SRGAP3: variants seen among roughly 807,000 people sequenced by gnomAD.
SRGAP3 encodes the protein SLIT-ROBO Rho GTPase-activating protein 3.
Under a neutral mutation model 121.1 loss-of-function variants are expected in SRGAP3, and 39 were observed. The observed-to-expected ratio is 0.32, with a 90% confidence interval of 0.25 to 0.42. SRGAP3 has a LOEUF of 0.42. Among genes scored for constraint, SRGAP3 ranks in the 10% least tolerant of loss-of-function variants. SRGAP3 has a pLI of 1.00. For missense variants in SRGAP3, 1,213 were observed against 1,470.6 expected (o/e 0.82, Z 2.86); for synonymous variants, 601 against 570.0 (o/e 1.05, Z -0.77).
intron 1 of SRGAP3, among the ~76,000 whole-genome samples, chr3:9,332,127 T>G (rs1435238419): frequency 6.6e-6 from 1 of 151,820 alleles, no homozygotes; most frequent in Non-Finnish European, 1.5e-5. Flanking sequence ...TTATTATTAT[T>G]ATTATTATTT....
At chr3:9,252,479 TA>T (rs143957486), upstream of SRGAP3, among the ~76,000 whole-genome samples, 20,134 of 151,942 alleles carry the variant, frequency 0.13, 1,656 homozygotes, top group African/African-American at 0.23. Context: ...CAAAATGGAC[TA>T]ATACAGGGCC....
chr3:9,196,985 C>T (rs1165603127), intron 1 of SRGAP3, among the ~76,000 whole-genome samples: 2 of 152,166 alleles, frequency 1.3e-5, no homozygotes, highest in Non-Finnish European at 2.9e-5. Flanking sequence ...TAAAACACAC[C>T]TCTCCAAAGT....
intron 3 of SRGAP3, among the ~76,000 whole-genome samples, chr3:9,305,554 C>A (rs1174023247): frequency 6.6e-6 from 1 of 151,712 alleles, no homozygotes; most frequent in Non-Finnish European, 1.5e-5. Context: ...TGCTATCCGT[C>A]CCCCAGTCTC....
In SRGAP3 at chr3:9,015,623, C is replaced by A; in HGVS notation, c.1787G>T (p.Arg596Met). The A allele has an allele frequency of 6.2e-7, 1 of 1,614,158 alleles. No individual in the cohort carries two copies. The highest frequency in any genetic ancestry group is 8.5e-7 in the Non-Finnish European group (1 of 1,180,022). The change falls in exon 15 of 22, where the codon AGG (arginine) becomes ATG (methionine). Residue 596 changes from arginine to methionine, a missense_variant. Arg to Met is a moderately conservative substitution (Grantham distance 91, BLOSUM62 -1). Around this residue, in one of 2 missense-constraint regions of SRGAP3, gnomAD observed 793 missense variants for 1,032.9 expected, o/e 0.77. Transcript: ENST00000383836. ...GLENPLFPKE[R>M]FQDLISTIKL... ...AATAGTAGATATCAAATCTTGAAAC[C>A]TTTCCTTAGGAAAGAGTGGGTTTTC...
chr3:9,344,809 G>A (rs1575021742), intron 1 of SRGAP3, among the ~76,000 whole-genome samples: 1 of 152,260 alleles, frequency 6.6e-6, no homozygotes, highest in East Asian at 1.9e-4. Context: ...GGCCTAGGCG[G>A]GTGGATCACG....
intron 1 of SRGAP3, among the ~76,000 whole-genome samples, chr3:9,135,196 T>C (rs928059735): frequency 6.6e-5 from 10 of 152,358 alleles, no homozygotes; most frequent in Admixed American, 3.9e-4. Context: ...AAACTTCCAT[T>C]GGACAGCACT....
intron 1 of SRGAP3, among the ~76,000 whole-genome samples, chr3:9,148,479 G>A (rs1950099457): frequency 6.6e-6 from 1 of 152,240 alleles, no homozygotes; most frequent in Non-Finnish European, 1.5e-5. Context: ...GACAGAGGAA[G>A]TGCCATGGGG....
At chr3:9,172,113 A>C (rs1477740216) in intron 1 of SRGAP3, among the ~76,000 whole-genome samples, 1 of 97,426 alleles carries the variant, frequency 1.0e-5, no homozygotes, top group East Asian at 2.7e-4. Flanking sequence ...TTTTTTTTTG[A>C]GACAGGGTCT....
rs1949847755 is a variant in SRGAP3, at chr3:9,141,553, G to GTGTGTGTGTGTGT, written c.68-16637_68-16636insACACACACACACA. Among the ~76,000 whole-genome samples, 485 of 138,460 alleles carry GTGTGTGTGTGTGT rather than the reference G, an allele frequency of 3.5e-3. 5 individuals are homozygous for GTGTGTGTGTGTGT. The highest frequency in any genetic ancestry group is 0.012 in the African/African-American group (441 of 36,468). 90.8% of individuals were successfully genotyped at this position (138,460 alleles called of 152,430 possible). On this transcript the variant is annotated intron_variant, in intron 1 of 21. Coordinates refer to ENST00000383836, the MANE Select transcript of SRGAP3 (RefSeq NM_014850.4). ...GAAACAAGAAGGATCTGACTTCAGG[G>GTGTGTGTGTGTGT]GTGTGTGTGTGTGTGTGTGTGTGTG... is the stretch of plus-strand genomic sequence containing the variant.
At chr3:9,197,314 A>G (rs1052801585) in intron 1 of SRGAP3, among the ~76,000 whole-genome samples, 4 of 152,240 alleles carry the variant, frequency 2.6e-5, no homozygotes, top group African/African-American at 9.6e-5. Context: ...CGTTTTCCAA[A>G]CTAAAATCTA....
intron 1 of SRGAP3, among the ~76,000 whole-genome samples, chr3:9,359,454 T>C (rs1465364758): frequency 1.3e-5 from 2 of 152,196 alleles, no homozygotes; most frequent in Non-Finnish European, 2.9e-5. Context: ...TTGCTCATGA[T>C]TGAAGCATGG....
chr3:9,024,139 A>C (rs1944066847), intron 14 of SRGAP3, among the ~76,000 whole-genome samples: 1 of 152,012 alleles, frequency 6.6e-6, no homozygotes, highest in Non-Finnish European at 1.5e-5. Context: ...GGTAAACCAT[A>C]CCTTTTGGGA....
rs118134928 is a variant in SRGAP3, at chr3:9,208,021, A to G, written c.67+40864T>C. Among the ~76,000 whole-genome samples the G allele has an allele frequency of 1.1e-3, 166 of 152,242 alleles. 1 individual carries two copies. In the East Asian group the frequency reaches 0.018, roughly 16 times the overall value. On this transcript the variant is annotated intron_variant, in intron 1 of 21. Coordinates refer to ENST00000383836, the MANE Select transcript of SRGAP3 (RefSeq NM_014850.4). Reference sequence around the variant, plus strand: ...TTATCACTTCAACCTTACTTCCAGCAACGTCTGAACAGATCCCATCTCCCT... The same window carrying G: ...TTATCACTTCAACCTTACTTCCAGCGACGTCTGAACAGATCCCATCTCCCT...
chr3:9,254,077 A>G (rs1954073330), upstream of SRGAP3, among the ~76,000 whole-genome samples: 1 of 152,220 alleles, frequency 6.6e-6, no homozygotes, highest in Non-Finnish European at 1.5e-5. Flanking sequence ...GCTCAGAAAC[A>G]ATAGTTGCAA....
chr3:9,255,865 A>T (rs919607997), intron 3 of SRGAP3, among the ~76,000 whole-genome samples: 2 of 152,200 alleles, frequency 1.3e-5, no homozygotes, highest in Non-Finnish European at 2.9e-5. Flanking sequence ...ATCCTCACAC[A>T]GTCCTTTGAG....
chr3:9,203,821 C>A (rs1952160498), intron 1 of SRGAP3, among the ~76,000 whole-genome samples: 1 of 152,216 alleles, frequency 6.6e-6, no homozygotes, highest in African/African-American at 2.4e-5. Context: ...TAGCCCTTTA[C>A]AACGTGCAAA....
intron 21 of SRGAP3, among the ~76,000 whole-genome samples, chr3:8,988,269 C>T (rs1488095724): frequency 1.3e-5 from 2 of 152,134 alleles, no homozygotes; most frequent in African/African-American, 4.8e-5. Context: ...TAAGTGGGTT[C>T]ACATCTAAAT....
chr3:9,072,600 C>T (rs1290119291), intron 4 of SRGAP3, among the ~76,000 whole-genome samples: 1 of 152,208 alleles, frequency 6.6e-6, no homozygotes, highest in Non-Finnish European at 1.5e-5. Flanking sequence ...GAGCCAGGAC[C>T]CTGGTCTCCC....
At position 9,158,371 on chromosome 3, in the gene SRGAP3, G is replaced by C. The variant is rs376215023; in HGVS notation, c.68-33454C>G. On this transcript the variant is annotated intron_variant, in intron 1 of 21. Transcript: ENST00000383836. Reference sequence around the variant, plus strand: ...GTTGCTCATTCACATGCAGCCCCCTGTTAATGTGACTAGACATATAGGTCC... The same window carrying C: ...GTTGCTCATTCACATGCAGCCCCCTCTTAATGTGACTAGACATATAGGTCC... 7.2e-4 allele frequency among the ~76,000 whole-genome samples: 110 copies of C among 152,266 alleles called. 1 individual carries two copies. The highest frequency in any genetic ancestry group is 2.6e-3 in the African/African-American group (108 of 41,532).
Sources: allele counts gnomAD v4.1 joint callset (sites outside exome capture counted in the v4.1 genomes callset), GRCh38; gene constraint gnomAD v4.1.1; regional missense constraint gnomAD v4.1.1; transcripts MANE v1.5; gene names NCBI Gene and HGNC (gene_info 2026-07-23, HGNC 2026-07-21).